CSTPP1: variants seen among roughly 807,000 people sequenced by gnomAD.
The protein encoded by CSTPP1 is centriolar satellite-associated tubulin polyglutamylase complex regulator 1.
chr11:46,975,717 G>A, the CSTPP1 span, among the ~76,000 whole-genome samples: 1 of 152,292 alleles, frequency 6.6e-6, no homozygotes, highest in East Asian at 1.9e-4. Context: ...ATCAAGAGGA[G>A]AAAAAATGAA....
At chr11:47,138,488 T>G in the CSTPP1 span, among the ~76,000 whole-genome samples, 1 of 152,158 alleles carries the variant, frequency 6.6e-6, no homozygotes, top group Non-Finnish European at 1.5e-5. Context: ...ATAAAGGTGA[T>G]AAAGCCCCAG....
At chr11:46,999,757 A>G in the CSTPP1 span, among the ~76,000 whole-genome samples, 15 of 152,134 alleles carry the variant, frequency 9.9e-5, no homozygotes. Context: ...AGACTTTCAT[A>G]TATTTAGCCG....
the CSTPP1 span, among the ~76,000 whole-genome samples, chr11:46,990,992 G>A: frequency 2.2e-4 from 33 of 152,056 alleles, no homozygotes; most frequent in Non-Finnish European, 4.0e-4. Flanking sequence ...CTATGTTTCT[G>A]TTTTTGTACC....
At chr11:46,980,454 C>A in the CSTPP1 span, among the ~76,000 whole-genome samples, 89,272 of 152,024 alleles carry the variant, frequency 0.59, 30,192 homozygotes, top group Non-Finnish European at 0.77. Context: ...AAAGGTCATT[C>A]CTTAATTTGC....
the CSTPP1 span, among the ~76,000 whole-genome samples, chr11:47,120,394 C>A: frequency 1.3e-5 from 2 of 152,130 alleles, no homozygotes; most frequent in East Asian, 3.8e-4. The surrounding 1 kb of genome is among the most constrained non-coding windows in gnomAD (Gnocchi z 4.2). Flanking sequence ...CTCACTTGAG[C>A]AAGCCACTTA....
chr11:46,964,512 C>A, the CSTPP1 span, among the ~76,000 whole-genome samples: 1 of 152,128 alleles, frequency 6.6e-6, no homozygotes, highest in Non-Finnish European at 1.5e-5. Context: ...GTCTTGATCT[C>A]CTGACCTCGT....
At chr11:46,939,559 G>A in the CSTPP1 span, among the ~76,000 whole-genome samples, 34 of 151,952 alleles carry the variant, frequency 2.2e-4, no homozygotes, top group African/African-American at 7.0e-4. Context: ...GGAGGCTGAC[G>A]TAGGAGGATT....
the CSTPP1 span, among the ~76,000 whole-genome samples, chr11:47,128,724 CA>C: frequency 6.6e-6 from 1 of 152,190 alleles, no homozygotes; most frequent in Middle Eastern, 3.4e-3. Flanking sequence ...TATATTAAAA[CA>C]TTTTTTTCAG....
the CSTPP1 span, among the ~76,000 whole-genome samples, chr11:47,124,540 T>C: frequency 6.6e-6 from 1 of 152,366 alleles, no homozygotes. Flanking sequence ...TACAATCTTA[T>C]ATACTTTAAA....
At chr11:47,057,635 A>G in the CSTPP1 span, among the ~76,000 whole-genome samples, 1 of 152,136 alleles carries the variant, frequency 6.6e-6, no homozygotes, top group South Asian at 2.1e-4. Context: ...AGTGTTATTG[A>G]GTTGAGGAGG....
chr11:46,995,829 C>A, the CSTPP1 span, among the ~76,000 whole-genome samples: 6 of 152,068 alleles, frequency 3.9e-5, no homozygotes, highest in African/African-American at 1.4e-4. Context: ...TCCTGGATAT[C>A]CTTGTTAACT....
At chr11:46,943,862 TA>T in the CSTPP1 span, among the ~76,000 whole-genome samples, 5 of 148,360 alleles carry the variant, frequency 3.4e-5, no homozygotes, top group Non-Finnish European at 4.5e-5. Context: ...CTACTAAAAA[TA>T]AAAAAAAAAT....
the CSTPP1 span, among the ~76,000 whole-genome samples, chr11:46,978,774 A>G: frequency 3.9e-5 from 6 of 152,350 alleles, no homozygotes; most frequent in East Asian, 1.2e-3. Flanking sequence ...TCTTATTTGA[A>G]AAAGAATCCC....
At chr11:47,098,317 TAAAA>T in the CSTPP1 span, among the ~76,000 whole-genome samples, 289 of 146,730 alleles carry the variant, frequency 2.0e-3, 2 homozygotes, top group African/African-American at 6.7e-3. Context: ...AAAATAAATT[TAAAA>T]AAAAAATAAA....
chr11:47,046,273 C>G, the CSTPP1 span, among the ~76,000 whole-genome samples: 2 of 148,066 alleles, frequency 1.4e-5, no homozygotes, highest in East Asian at 3.9e-4. Flanking sequence ...CCTAAAGAAT[C>G]CACCAAAAGA....
the CSTPP1 span, among the ~76,000 whole-genome samples, chr11:47,000,751 T>A: frequency 6.8e-6 from 1 of 147,298 alleles, no homozygotes; most frequent in African/African-American, 2.7e-5. Flanking sequence ...ATGAACCTAG[T>A]GTTTTAATGA....
the CSTPP1 span, among the ~76,000 whole-genome samples, chr11:47,064,532 C>T: frequency 2.9e-4 from 44 of 152,190 alleles, no homozygotes; most frequent in African/African-American, 1.0e-3. Context: ...TTCTTTTGCA[C>T]GTGCATATTC....
the CSTPP1 span, among the ~76,000 whole-genome samples, chr11:47,152,144 G>A: frequency 6.6e-6 from 1 of 151,988 alleles, no homozygotes; most frequent in East Asian, 1.9e-4. Context: ...CAGCTGCTAG[G>A]GAGGCTGAGG....
chr11:46,960,521 G>A, the CSTPP1 span, among the ~76,000 whole-genome samples: 17 of 152,158 alleles, frequency 1.1e-4, no homozygotes, highest in African/African-American at 3.9e-4. Context: ...TACAATATGG[G>A]GTTTATTGTG....
Sources: gnomAD v4.1 joint callset for allele counts (sites outside exome capture counted in the v4.1 genomes callset) on GRCh38, gnomAD v4.1.1 for gene constraint, Gnocchi (gnomAD v3.1) non-coding constraint, MANE v1.5 for transcripts, NCBI Gene and HGNC (gene_info 2026-07-23, HGNC 2026-07-21) for gene names.